RGS9: variants seen among roughly 807,000 people sequenced by gnomAD.
RGS9 encodes regulator of G-protein signalling 9.
A neutral mutation model predicts 102.0 loss-of-function variants in RGS9; 78 were observed. The observed-to-expected ratio is 0.76, with a 90% CI of 0.64 to 0.92. The LOEUF is 0.92. Among genes scored for constraint, RGS9 ranks in the 40% least tolerant of loss-of-function variants. The probability of loss-of-function intolerance (pLI) is 0.00; values close to 1 mark genes in which losing one functional copy is unlikely to be tolerated. For synonymous variants in RGS9, 353 were observed against 318.6 expected (o/e 1.11, Z -1.15); for missense variants, 833 against 866.1 (o/e 0.96, Z 0.48).
Position 65,151,442 on chromosome 17 carries a change from A to G in RGS9, c.58-1980A>G, listed in dbSNP as rs761162150. Among the ~76,000 whole-genome samples, 99 of 152,194 alleles carry G rather than the reference A, an allele frequency of 6.5e-4. 1 individual carries two copies. The highest frequency in any genetic ancestry group is 7.8e-4 in the Non-Finnish European group (53 of 68,018). On this transcript the variant is annotated intron_variant, in intron 1 of 18. Coordinates refer to ENST00000262406, the MANE Select transcript of RGS9 (RefSeq NM_003835.4). The stretch of plus-strand genomic sequence containing the variant: ...TAATAAAAATGAAAAAAACAACTCT[A>G]AAGATAGTCAGGGCTGTCCCTGTGG...
chr17:65,207,423 A>C (rs994398454), intron 15 of RGS9, among the ~76,000 whole-genome samples: 1 of 152,242 alleles, frequency 6.6e-6, no homozygotes, highest in Admixed American at 6.5e-5. Context: ...AGGTGTCCTC[A>C]TGTGAACAAA....
intron 1 of RGS9, among the ~76,000 whole-genome samples, chr17:65,151,904 A>G (rs1028249466): frequency 1.3e-5 from 2 of 152,168 alleles, no homozygotes; most frequent in African/African-American, 2.4e-5. Context: ...GGTACTATCT[A>G]TGTGGCAGGC....
At position 65,225,185 on chromosome 17, in the gene RGS9, G is replaced by C; in HGVS notation, c.1591G>C (p.Glu531Gln). The C allele has an allele frequency of 6.2e-7, 1 of 1,613,506 alleles. No homozygotes were observed. The highest frequency in any genetic ancestry group is 8.5e-7 in the Non-Finnish European group (1 of 1,180,028). Residue 531 changes from glutamate to glutamine, a missense_variant, in exon 18 of 19, where the codon GAG becomes CAG. Around this residue, in one of 3 missense-constraint regions of RGS9, gnomAD observed 320 missense variants for 276.8 expected, o/e 1.16. Coordinates refer to ENST00000262406, the MANE Select transcript of RGS9 (RefSeq NM_003835.4). The part of the protein sequence containing the change: ...ICPSPIRVAL[E>Q]SSSGLEQKGE... ...CCCCTCACCCATCAGAGTGGCCTTGGAGAGCTCATCGGGCTTGGAGCAGAA... is the reference window on the plus strand; with the variant it reads ...CCCCTCACCCATCAGAGTGGCCTTGCAGAGCTCATCGGGCTTGGAGCAGAA...
At chr17:65,180,431 C>T (rs574457032) in intron 9 of RGS9, among the ~76,000 whole-genome samples, 135 of 152,256 alleles carry the variant, frequency 8.9e-4, no homozygotes, top group African/African-American at 3.2e-3. Context: ...TCACTGCAAC[C>T]TCCGCCTTCC....
chr17:65,164,282 G>C (rs555968688), intron 7 of RGS9, among the ~76,000 whole-genome samples: 2 of 152,316 alleles, frequency 1.3e-5, no homozygotes, highest in African/African-American at 4.8e-5. Flanking sequence ...TGGGCTTTGT[G>C]CGTTGCTTAG....
chr17:65,174,164 T>C (rs897423467), intron 8 of RGS9, among the ~76,000 whole-genome samples: 1 of 152,194 alleles, frequency 6.6e-6, no homozygotes, highest in African/African-American at 2.4e-5. Context: ...CATAGAGGAC[T>C]CTATCTCAGT....
chr17:65,160,612 C>G (rs771704902), intron 5 of RGS9, 25 bp downstream of exon 5: 1 of 1,612,198 alleles, frequency 6.2e-7, no homozygotes, highest in South Asian at 1.1e-5. Flanking sequence ...CCCAACTATG[C>G]CTTTGGTAGT....
intron 1 of RGS9, among the ~76,000 whole-genome samples, chr17:65,147,447 C>T (rs773954414): frequency 2.6e-5 from 4 of 152,130 alleles, no homozygotes; most frequent in South Asian, 2.1e-4. Context: ...CATGGTCCCA[C>T]GCTCCTTGGG....
chr17:65,154,316 G>C (rs910423632), intron 2 of RGS9, among the ~76,000 whole-genome samples: 1 of 152,098 alleles, frequency 6.6e-6, no homozygotes, highest in Non-Finnish European at 1.5e-5. Context: ...AAGCTGAAAT[G>C]TTTATTTACT....
chr17:65,197,806 G>A lies in RGS9; in HGVS notation c.976+565G>A, dbSNP rs9915448. Among the ~76,000 whole-genome samples the A allele has an allele frequency of 6.4e-3, 973 of 151,380 alleles. 8 individuals carry two copies. The highest frequency in any genetic ancestry group is 0.022 in the African/African-American group (906 of 41,256). On this transcript the variant is annotated intron_variant, in intron 13 of 18. Transcript: ENST00000262406. ...TGCCTCAGCCTCCCAAGTAGCTGGC[G>A]TTACAGGTGCCTGTCACCACACCTG...
At chr17:65,168,155 GAC>G in intron 7 of RGS9, 43 bp from the exon 8 acceptor site, 1 of 1,384,692 alleles carries the variant, frequency 7.2e-7, no homozygotes, top group Non-Finnish European at 1.0e-6. Flanking sequence ...CTAATCAAAA[GAC>G]ACAAAGTCTT....
intron 2 of RGS9, among the ~76,000 whole-genome samples, chr17:65,155,181 G>A (rs891154921): frequency 4.6e-5 from 7 of 152,338 alleles, no homozygotes; most frequent in East Asian, 1.9e-4. Context: ...GAAACAGGGG[G>A]CAGACTTTTC....
chr17:65,140,707 AC>A (rs1182535151), intron 1 of RGS9, among the ~76,000 whole-genome samples: 2 of 151,162 alleles, frequency 1.3e-5, no homozygotes, highest in Non-Finnish European at 3.0e-5. Flanking sequence ...AAACCCTCTG[AC>A]TATTAAAAAT....
At chr17:65,137,656 C>A in intron 1 of RGS9, 59 bp downstream of exon 1, 1 of 1,559,530 alleles carries the variant, frequency 6.4e-7, no homozygotes, top group Non-Finnish European at 8.8e-7. Context: ...ATCTGCGAAG[C>A]GTCCGAGGAC....
At chr17:65,145,431 C>G (rs1031300270) in intron 1 of RGS9, among the ~76,000 whole-genome samples, 2 of 152,002 alleles carry the variant, frequency 1.3e-5, no homozygotes, top group Non-Finnish European at 2.9e-5. Context: ...CTCTGTTGAC[C>G]AGGCTGGCGT....
intron 14 of RGS9, 101 bp from the exon 15 acceptor site, chr17:65,204,062 G>A (rs1318241165): frequency 2.3e-5 from 33 of 1,419,164 alleles, no homozygotes; most frequent in Non-Finnish European, 3.0e-5. Flanking sequence ...CCTCACCCTC[G>A]GTAACCGATT....
At chr17:65,157,996 CAGGTAAA>C (rs1910830693) in intron 2 of RGS9, among the ~76,000 whole-genome samples, 1 of 152,042 alleles carries the variant, frequency 6.6e-6, no homozygotes, top group Non-Finnish European at 1.5e-5. Flanking sequence ...AAGTTATCGT[CAGGTAAA>C]AGATCAATAC....
intron 1 of RGS9, among the ~76,000 whole-genome samples, chr17:65,149,471 G>A (rs1280605569): frequency 6.6e-6 from 1 of 152,134 alleles, no homozygotes; most frequent in African/African-American, 2.4e-5. Flanking sequence ...CTGGGTGTAT[G>A]TCTTTTACCT....
chr17:65,186,350 G>A (rs1912122248), intron 9 of RGS9, among the ~76,000 whole-genome samples: 1 of 151,750 alleles, frequency 6.6e-6, no homozygotes, highest in African/African-American at 2.4e-5. Context: ...CAAGTAACTG[G>A]GATTACAGGT....
Sources: allele counts gnomAD v4.1 joint callset (sites outside exome capture counted in the v4.1 genomes callset), GRCh38; gene constraint gnomAD v4.1.1; regional missense constraint gnomAD v4.1.1; transcripts MANE v1.5; gene names NCBI Gene and HGNC (gene_info 2026-07-23, HGNC 2026-07-21).